Variants in ST18 observed in about 807,000 individuals in gnomAD.
The protein encoded by ST18 is ST18 C2H2C-type zinc finger transcription factor.
In ST18, 50 loss-of-function variants were observed where a neutral mutation model predicts 110.0. That is an observed-to-expected ratio of 0.45 (90% CI 0.36 to 0.58). ST18 has a LOEUF of 0.58. ST18 is among the 20% of genes least tolerant of loss of function. The pLI, the probability that ST18 is intolerant of heterozygous loss-of-function variation, is 0.00. For missense variants in ST18, 1,306 were observed against 1,280.1 expected, an observed-to-expected ratio of 1.02 and a Z score of -0.31; for synonymous variants, 461 against 452.4, an observed-to-expected ratio of 1.02 and a Z score of -0.24.
chr8:52,384,166 A>G (rs894715142), intron 2 of ST18, among the ~76,000 whole-genome samples: 2 of 152,214 alleles, frequency 1.3e-5, no homozygotes, highest in South Asian at 2.1e-4. Flanking sequence ...ACTGCAGTGT[A>G]GCCAAAATTA....
chr8:52,385,110 T>C (rs1017093314), intron 2 of ST18, among the ~76,000 whole-genome samples: 11 of 152,182 alleles, frequency 7.2e-5, no homozygotes, highest in African/African-American at 2.7e-4. Flanking sequence ...AATTTTTCAG[T>C]TTCTAGAATA....
intron 19 of ST18, among the ~76,000 whole-genome samples, chr8:52,134,133 G>A (rs2050991597): frequency 6.6e-6 from 1 of 152,210 alleles, no homozygotes; most frequent in South Asian, 2.1e-4. Flanking sequence ...GAACTGCAGA[G>A]ACTTGGAACA....
chr8:52,264,212 T>C (rs1397483596), intron 2 of ST18, among the ~76,000 whole-genome samples: 2 of 152,234 alleles, frequency 1.3e-5, no homozygotes, highest in African/African-American at 2.4e-5. Context: ...TTTTAGGGTA[T>C]GGTGTCCTAA....
chr8:52,124,133 A>G (rs1483226112), intron 23 of ST18, among the ~76,000 whole-genome samples: 2 of 152,098 alleles, frequency 1.3e-5, no homozygotes, highest in Non-Finnish European at 2.9e-5. Flanking sequence ...GGGTTGCTCC[A>G]TCTTGCATTC....
In ST18 at chr8:52,381,045, G is replaced by A. The variant is rs184776196; in HGVS notation, c.-465+28283C>T. 3.5e-3 allele frequency among the ~76,000 whole-genome samples: 527 copies of A among 152,312 alleles called. 6 individuals are homozygous for A. The highest frequency in any genetic ancestry group is 0.012 in the African/African-American group (503 of 41,566). On this transcript the variant is annotated intron_variant, in intron 2 of 25. Transcript: ENST00000689386. ...AGAGAAGAGGCAGGTTATAAATACG[G>A]TCAGTATTGTGGTGGCCTGATGAAG...
At chr8:52,159,674 T>C (rs2060922322) in intron 14 of ST18, among the ~76,000 whole-genome samples, 3 of 152,178 alleles carry the variant, frequency 2.0e-5, no homozygotes, top group African/African-American at 4.8e-5. Context: ...TGGAACTAAA[T>C]AGATGGTGGA....
At chr8:52,175,743 A>G (rs937904007) in intron 9 of ST18, among the ~76,000 whole-genome samples, 3 of 152,138 alleles carry the variant, frequency 2.0e-5, no homozygotes, top group South Asian at 4.1e-4. Flanking sequence ...GGAAACTACA[A>G]TTCTACAGAG....
intron 8 of ST18, among the ~76,000 whole-genome samples, chr8:52,191,634 C>T (rs2134879486): frequency 6.6e-6 from 1 of 152,160 alleles, no homozygotes; most frequent in East Asian, 1.9e-4. Context: ...ACCTCAGCAT[C>T]TGAGTTCAGT....
chr8:52,278,678 GA>G (rs2095320303), intron 2 of ST18, among the ~76,000 whole-genome samples: 1 of 152,122 alleles, frequency 6.6e-6, no homozygotes, highest in Non-Finnish European at 1.5e-5. Context: ...GCCCTACCAA[GA>G]GTAACTGAAA....
intron 8 of ST18, 152 bp downstream of exon 8, chr8:52,211,927 C>T (rs962381788): frequency 4.1e-6 from 3 of 729,812 alleles, no homozygotes; most frequent in Non-Finnish European, 4.7e-6. Context: ...TTCTCCTCCG[C>T]CTTCTTGGTG....
rs983512230 is a variant in ST18 at position 52,111,734 on chromosome 8, G to A, written c.*1464C>T. 3.3e-5 allele frequency: 5 copies of A among 152,542 alleles called. No individual in the cohort carries two copies. Among genetic ancestry groups the A allele is most frequent in the Non-Finnish European group, 5.9e-5 (4 of 68,032 alleles). The allele number at this position is 152,542 out of a possible 1,614,324, so 9.4% of individuals were successfully genotyped here. A position where few individuals can be genotyped will look rare whatever the true frequency, so the allele number is the denominator to read the frequency against. Reference sequence around the variant, plus strand: ...CATGTGTACATTTACACAGAGGCACGTCTGCACATGAAATGTGTGTGCACA... The same window carrying A: ...CATGTGTACATTTACACAGAGGCACATCTGCACATGAAATGTGTGTGCACA... On this transcript the variant is annotated 3_prime_UTR_variant, in exon 26 of 26. Transcript: ENST00000689386.
chr8:52,319,407 C>T (rs533964879), intron 2 of ST18, among the ~76,000 whole-genome samples: 11 of 152,054 alleles, frequency 7.2e-5, no homozygotes, highest in South Asian at 4.2e-4. Flanking sequence ...ATTGTGCATT[C>T]GTTGATTTCT....
intron 3 of ST18, among the ~76,000 whole-genome samples, chr8:52,228,035 C>A (rs2090080371): frequency 6.6e-6 from 1 of 152,138 alleles, no homozygotes; most frequent in African/African-American, 2.4e-5. Context: ...CAATACAAAA[C>A]AACCCAGACA....
intron 2 of ST18, among the ~76,000 whole-genome samples, chr8:52,254,743 T>A (rs1282722520): frequency 6.6e-6 from 1 of 152,106 alleles, no homozygotes; most frequent in East Asian, 1.9e-4. Context: ...GTGTTCTGAT[T>A]TTGTGAGTGA....
At chr8:52,249,873 G>A (rs2094151943) in intron 2 of ST18, among the ~76,000 whole-genome samples, 1 of 151,986 alleles carries the variant, frequency 6.6e-6, no homozygotes, top group Non-Finnish European at 1.5e-5. Context: ...AAGGAGCCCA[G>A]ATTTGAAATT....
chr8:52,403,862 T>C (rs1432161116), intron 2 of ST18: 1 of 152,182 alleles, frequency 6.6e-6, no homozygotes, highest in Non-Finnish European at 1.5e-5. Context: ...CTTGGTAAAT[T>C]ACAAACTATA....
At chr8:52,234,681 G>T (rs2137137331) in intron 2 of ST18, among the ~76,000 whole-genome samples, 1 of 151,704 alleles carries the variant, frequency 6.6e-6, no homozygotes, top group Middle Eastern at 3.4e-3. Flanking sequence ...AAAAAATGCG[G>T]AACCAACCCA....
rs535761541 is a variant in ST18 at position 52,232,604 on chromosome 8, T to C, written c.-464-2527A>G. Among the ~76,000 whole-genome samples the C allele has an allele frequency of 3.3e-5, 5 of 152,268 alleles. No homozygotes were observed. In the South Asian group the frequency reaches 1.0e-3, roughly 32 times the overall value. On this transcript the variant is annotated intron_variant, in intron 2 of 25. Coordinates refer to ENST00000689386, the MANE Select transcript of ST18 (RefSeq NM_001352837.2). ...GATCATTGCTATTTTGAAGAACGTA[T>C]TATCCTGAAAACTTCTTGGAGGATG...
chr8:52,264,710 T>C (rs768287857), intron 2 of ST18, among the ~76,000 whole-genome samples: 3 of 152,216 alleles, frequency 2.0e-5, no homozygotes, highest in Non-Finnish European at 4.4e-5. Flanking sequence ...TTCAAGAGCA[T>C]GTTTTGAAAA....
Sources: gnomAD v4.1 joint callset for allele counts (sites outside exome capture counted in the v4.1 genomes callset) on GRCh38, gnomAD v4.1.1 for gene constraint, MANE v1.5 for transcripts, NCBI Gene and HGNC (gene_info 2026-07-23, HGNC 2026-07-21) for gene names.